Variants in KIAA1328 observed in about 807,000 individuals in gnomAD.
KIAA1328 encodes the protein protein hinderin.
KIAA1328 carries 52 observed loss-of-function variants against 68.1 expected under a neutral mutation model. The ratio of observed to expected loss-of-function variants is 0.76; its 90% confidence interval spans 0.61 to 0.96. The LOEUF (loss-of-function observed/expected upper bound fraction) is 0.96, where lower values mean the gene tolerates loss of function less well. KIAA1328 is among the 40% of genes least tolerant of loss of function. KIAA1328 has a pLI of 0.00. For missense variants in KIAA1328, 641 were observed against 677.6 expected (o/e 0.95, Z 0.60); for synonymous variants, 232 against 239.4 (o/e 0.97, Z 0.28).
intron 3 of KIAA1328, among the ~76,000 whole-genome samples, chr18:36,841,825 C>T (rs1600941404): frequency 6.6e-6 from 1 of 152,116 alleles, no homozygotes; most frequent in Admixed American, 6.5e-5. Context: ...TTTTTTGAAA[C>T]AGTATTTCAT....
intron 6 of KIAA1328, among the ~76,000 whole-genome samples, chr18:37,008,449 AC>A (rs2053858082): frequency 6.6e-6 from 1 of 152,172 alleles, no homozygotes; most frequent in African/African-American, 2.4e-5. Context: ...AAGTCATAGG[AC>A]CCATAGCCTG....
At chr18:37,066,509 A>G (rs2056343077) in intron 6 of KIAA1328, among the ~76,000 whole-genome samples, 1 of 126,366 alleles carries the variant, frequency 7.9e-6, no homozygotes, top group African/African-American at 5.8e-5. Context: ...AAAGTGACTG[A>G]ATGGATTCCT....
chr18:36,913,521 C>CACACACACT lies in KIAA1328; in HGVS notation c.448+27851_448+27852insACACACTAC, dbSNP rs373001161. On this transcript the variant is annotated intron_variant, in intron 5 of 9. Transcript: ENST00000280020. ...ACACACACACACACACACACACACA[C>CACACACACT]ACTTAGAGGAAAGCAACTGCCTACA... 1.6e-3 allele frequency among the ~76,000 whole-genome samples: 150 copies of CACACACACT among 92,936 alleles called. 1 individual carries two copies. Among genetic ancestry groups the CACACACACT allele is most frequent in the Middle Eastern group, 0.015 (2 of 136 alleles). 61.0% of individuals were successfully genotyped at this position (92,936 alleles called of 152,430 possible). A position where few individuals can be genotyped will look rare whatever the true frequency, so the allele number is the denominator to read the frequency against.
chr18:36,846,875 C>A (rs1368615405), intron 4 of KIAA1328, among the ~76,000 whole-genome samples: 1 of 151,426 alleles, frequency 6.6e-6, no homozygotes, highest in Non-Finnish European at 1.5e-5. Context: ...TCTCTACCAT[C>A]CATCTCCAGA....
At chr18:36,997,838 G>A (rs1333504826) in intron 6 of KIAA1328, among the ~76,000 whole-genome samples, 1 of 152,032 alleles carries the variant, frequency 6.6e-6, no homozygotes, top group African/African-American at 2.4e-5. Flanking sequence ...GATACGGTGG[G>A]GCCTCTGCAG....
At chr18:37,207,817 C>T (rs902245901) in intron 9 of KIAA1328, among the ~76,000 whole-genome samples, 5 of 152,146 alleles carry the variant, frequency 3.3e-5, no homozygotes, top group Admixed American at 1.3e-4. Context: ...TTCATAAATT[C>T]ATTTATTTAT....
At chr18:37,059,482 C>T (rs2056060709) in intron 6 of KIAA1328, among the ~76,000 whole-genome samples, 1 of 152,128 alleles carries the variant, frequency 6.6e-6, no homozygotes, top group Admixed American at 6.5e-5. Flanking sequence ...ATCAAAACCA[C>T]AATGAGATAC....
At chr18:36,845,100 C>T (rs1378719193) in intron 4 of KIAA1328, among the ~76,000 whole-genome samples, 2 of 151,674 alleles carry the variant, frequency 1.3e-5, no homozygotes, top group Non-Finnish European at 1.5e-5. Context: ...AATTACCTTA[C>T]TCTAAGTCAT....
downstream of KIAA1328, chr18:37,231,246 G>A (rs1217608830): frequency 1.3e-5 from 2 of 152,226 alleles, no homozygotes; most frequent in Non-Finnish European, 2.9e-5. Context: ...TATTCACTTT[G>A]GAGAACCCAG....
chr18:37,156,113 G>A (rs1467573641), intron 7 of KIAA1328, among the ~76,000 whole-genome samples: 1 of 151,712 alleles, frequency 6.6e-6, no homozygotes, highest in East Asian at 1.9e-4. Context: ...TTAAGAATAG[G>A]AACCAGGGCT....
rs751706875 is a variant in KIAA1328 at position 37,224,977 on chromosome 18, T to C, written c.*2750T>C. The C allele has an allele frequency of 3.0e-6, 3 of 985,458 alleles. No homozygotes were observed. The highest frequency in any genetic ancestry group is 3.6e-6 in the Non-Finnish European group (3 of 829,940). The allele number at this position is 985,458 out of a possible 1,614,324, so 61.0% of individuals were successfully genotyped here. A position where few individuals can be genotyped will look rare whatever the true frequency, so the allele number is the denominator to read the frequency against. ...GAAAAGCTTTTGCTAACAGTCCGCT[T>C]TCCAGGAGGCAAACTTGTGTTTATC... is the stretch of plus-strand genomic sequence containing the variant. On this transcript the variant is annotated 3_prime_UTR_variant, in exon 10 of 10. Transcript: ENST00000280020.
chr18:37,115,047 A>G (rs1421209951), intron 7 of KIAA1328, among the ~76,000 whole-genome samples: 1 of 152,232 alleles, frequency 6.6e-6, no homozygotes, highest in Non-Finnish European at 1.5e-5. Context: ...AAAAAAGTCC[A>G]GGACCAGACG....
intron 6 of KIAA1328, among the ~76,000 whole-genome samples, chr18:37,029,667 G>A (rs1040483395): frequency 6.6e-6 from 1 of 152,112 alleles, no homozygotes; most frequent in African/African-American, 2.4e-5. Context: ...TATTTATATG[G>A]GATATTAATC....
intron 7 of KIAA1328, chr18:37,074,904 C>G (rs2056662963): frequency 6.6e-6 from 1 of 152,156 alleles, no homozygotes; most frequent in African/African-American, 2.4e-5. Context: ...TTGGAAAACA[C>G]TCTGCAGGAT....
At chr18:37,092,018 G>A (rs890079023) in intron 7 of KIAA1328, among the ~76,000 whole-genome samples, 38 of 152,092 alleles carry the variant, frequency 2.5e-4, no homozygotes, top group African/African-American at 8.2e-4. Context: ...TGAAACCTTA[G>A]GCTAGGCCCA....
intron 7 of KIAA1328, among the ~76,000 whole-genome samples, chr18:37,119,914 T>C (rs2058224006): frequency 6.6e-6 from 1 of 152,034 alleles, no homozygotes; most frequent in African/African-American, 2.4e-5. Context: ...TAAAAGAAGC[T>C]CTTAGAGAAA....
chr18:37,062,405 C>T (rs2056182949), intron 6 of KIAA1328, among the ~76,000 whole-genome samples: 1 of 151,724 alleles, frequency 6.6e-6, no homozygotes, highest in Non-Finnish European at 1.5e-5. Flanking sequence ...TTTCTCACCA[C>T]CACATTCAGT....
At chr18:37,131,059 G>C (rs2058510462) in intron 7 of KIAA1328, among the ~76,000 whole-genome samples, 1 of 152,120 alleles carries the variant, frequency 6.6e-6, no homozygotes, top group African/African-American at 2.4e-5. Flanking sequence ...ATCACAATAG[G>C]GGTAGGGCCT....
chr18:36,988,501 A>T (rs540841496), intron 6 of KIAA1328, among the ~76,000 whole-genome samples: 1 of 152,198 alleles, frequency 6.6e-6, no homozygotes, highest in South Asian at 2.1e-4. Context: ...GTTATTTACA[A>T]ACCATTTTGT....
Sources: gnomAD v4.1 joint callset for allele counts (sites outside exome capture counted in the v4.1 genomes callset) on GRCh38, gnomAD v4.1.1 for gene constraint, MANE v1.5 for transcripts, NCBI Gene and HGNC (gene_info 2026-07-23, HGNC 2026-07-21) for gene names.